Variants in CENPW observed in about 807,000 individuals in gnomAD.
CENPW encodes centromere protein W, also known as cancer-up-regulated gene 2 protein.
CENPW carries 3 observed loss-of-function variants against 11.1 expected under a neutral mutation model. That is an observed-to-expected ratio of 0.27 (90% CI 0.12 to 0.70). CENPW has a LOEUF of 0.70. CENPW is among the 30% of genes least tolerant of loss of function. The pLI, the probability that CENPW is intolerant of heterozygous loss-of-function variation, is 0.77. For missense variants in CENPW, 100 were observed against 105.6 expected, an observed-to-expected ratio of 0.95 and a Z score of 0.23; for synonymous variants, 38 against 42.0, an observed-to-expected ratio of 0.91 and a Z score of 0.37.
At chr6:126,372,180 G>A in the CENPW span, among the ~76,000 whole-genome samples, 2 of 151,894 alleles carry the variant, frequency 1.3e-5, no homozygotes, top group Admixed American at 1.3e-4. Context: ...GACCTTAAAT[G>A]GACATTTTTC....
At chr6:126,368,728 T>C in the CENPW span, among the ~76,000 whole-genome samples, 4 of 152,008 alleles carry the variant, frequency 2.6e-5, no homozygotes, top group Admixed American at 2.6e-4. Context: ...CACTGCAAGC[T>C]CCGCCTCCCG....
At chr6:126,458,032 C>A in the CENPW span, among the ~76,000 whole-genome samples, 2 of 151,324 alleles carry the variant, frequency 1.3e-5, no homozygotes, top group Non-Finnish European at 3.0e-5. Flanking sequence ...ATTGAGAATG[C>A]CAGTCTATAT....
the CENPW span, among the ~76,000 whole-genome samples, chr6:126,426,791 ACCT>A: frequency 1.3e-5 from 2 of 152,084 alleles, no homozygotes; most frequent in Non-Finnish European, 1.5e-5. Flanking sequence ...GTGGCTTTTG[ACCT>A]CCTCCTTGTC....
At chr6:126,391,728 G>A in the CENPW span, among the ~76,000 whole-genome samples, 1 of 151,816 alleles carries the variant, frequency 6.6e-6, no homozygotes, top group Non-Finnish European at 1.5e-5. Flanking sequence ...TGAAGAAACT[G>A]TCCTTTCCCC....
the CENPW span, among the ~76,000 whole-genome samples, chr6:126,451,142 G>A: frequency 1.3e-5 from 2 of 150,974 alleles, no homozygotes; most frequent in Non-Finnish European, 3.0e-5. Context: ...TATAGTCAAA[G>A]TTAAATATTA....
At chr6:126,389,660 G>C in the CENPW span, among the ~76,000 whole-genome samples, 4 of 149,966 alleles carry the variant, frequency 2.7e-5, no homozygotes, top group Non-Finnish European at 4.5e-5. Flanking sequence ...CCTTTGCTCT[G>C]TGTGTGTGTG....
the CENPW span, among the ~76,000 whole-genome samples, chr6:126,366,309 A>G: frequency 6.6e-6 from 1 of 152,152 alleles, no homozygotes. Flanking sequence ...CTTTTTTGCT[A>G]AACTGTTTAG....
the CENPW span, among the ~76,000 whole-genome samples, chr6:126,407,258 A>G: frequency 6.6e-6 from 1 of 152,160 alleles, no homozygotes; most frequent in Non-Finnish European, 1.5e-5. Context: ...TGCAAAGGAC[A>G]TGATCTAGTT....
At chr6:126,459,570 AT>A in the CENPW span, among the ~76,000 whole-genome samples, 10 of 151,760 alleles carry the variant, frequency 6.6e-5, no homozygotes, top group South Asian at 4.1e-4. Flanking sequence ...CATCAAAAAA[AT>A]ATTATCAAAA....
At chr6:126,444,596 C>G in the CENPW span, among the ~76,000 whole-genome samples, 1 of 150,690 alleles carries the variant, frequency 6.6e-6, no homozygotes, top group Non-Finnish European at 1.5e-5. Flanking sequence ...TTTTTCTTCC[C>G]TTCAGCTCAT....
chr6:126,454,311 A>G, the CENPW span, among the ~76,000 whole-genome samples: 1 of 151,264 alleles, frequency 6.6e-6, no homozygotes, highest in African/African-American at 2.4e-5. Context: ...AAATTGACAC[A>G]TGATCAGCCA....
At chr6:126,480,868 T>G in the CENPW span, among the ~76,000 whole-genome samples, 1 of 152,184 alleles carries the variant, frequency 6.6e-6, no homozygotes, top group African/African-American at 2.4e-5. Context: ...AGTAAGCACA[T>G]TAACATTCAA....
chr6:126,391,881 G>T, the CENPW span, among the ~76,000 whole-genome samples: 2 of 152,048 alleles, frequency 1.3e-5, no homozygotes, highest in East Asian at 3.9e-4. Flanking sequence ...TAGCTGTGTA[G>T]CATCATTTGA....
At chr6:126,432,223 C>T in the CENPW span, among the ~76,000 whole-genome samples, 1 of 152,222 alleles carries the variant, frequency 6.6e-6, no homozygotes, top group African/African-American at 2.4e-5. Context: ...TCCATAAATA[C>T]TCATGGCACC....
chr6:126,435,788 CA>C, the CENPW span, among the ~76,000 whole-genome samples: 17 of 151,858 alleles, frequency 1.1e-4, no homozygotes, highest in Admixed American at 1.1e-3. Flanking sequence ...GCCCTTCCCA[CA>C]AGACCACTTT....
At chr6:126,455,583 G>A in the CENPW span, among the ~76,000 whole-genome samples, 47 of 151,420 alleles carry the variant, frequency 3.1e-4, no homozygotes, top group East Asian at 6.6e-3. Context: ...AATAACAAGA[G>A]CCATCTATGA....
the CENPW span, among the ~76,000 whole-genome samples, chr6:126,363,415 A>T: frequency 2.0e-5 from 3 of 152,222 alleles, no homozygotes; most frequent in Non-Finnish European, 4.4e-5. Context: ...ATATGTCCAC[A>T]ATTAGTTGGA....
chr6:126,405,643 G>A, the CENPW span, among the ~76,000 whole-genome samples: 1 of 151,946 alleles, frequency 6.6e-6, no homozygotes, highest in South Asian at 2.1e-4. Context: ...AACATTGGCT[G>A]TCTTTTCATT....
chr6:126,378,901 A>G, the CENPW span, among the ~76,000 whole-genome samples: 1 of 152,244 alleles, frequency 6.6e-6, no homozygotes, highest in Non-Finnish European at 1.5e-5. Context: ...CTGGCATTGT[A>G]AATGGAAATA....
Sources: gnomAD v4.1 joint callset for allele counts (sites outside exome capture counted in the v4.1 genomes callset) on GRCh38, gnomAD v4.1.1 for gene constraint, MANE v1.5 for transcripts, NCBI Gene and HGNC (gene_info 2026-07-23, HGNC 2026-07-21) for gene names.